CDC40: variants seen among roughly 807,000 people sequenced by gnomAD.
CDC40 encodes cell division cycle 40, also known as pre-mRNA-processing factor 17.
A neutral mutation model predicts 80.6 loss-of-function variants in CDC40; 27 were observed. The observed-to-expected ratio is 0.33, with a 90% CI of 0.25 to 0.46. The LOEUF is 0.46. CDC40 is among the 20% of genes least tolerant of loss of function. The pLI is 1.00. For synonymous variants in CDC40, 221 were observed against 232.6 expected (o/e 0.95, Z 0.45); for missense variants, 486 against 694.1 (o/e 0.70, Z 3.37).
At chr6:110,227,414 G>C (rs1445596625) in intron 13 of CDC40, among the ~76,000 whole-genome samples, 4 of 152,156 alleles carry the variant, frequency 2.6e-5, no homozygotes, top group African/African-American at 9.7e-5. Context: ...TTTATGAGAA[G>C]AGAAACCTAA....
chr6:110,199,376 C>T (rs372460552), intron 2 of CDC40, among the ~76,000 whole-genome samples: 6 of 151,214 alleles, frequency 4.0e-5, no homozygotes, highest in South Asian at 2.1e-4. Context: ...CGGGCGGATA[C>T]GAGGTCAGGA....
intron 2 of CDC40, among the ~76,000 whole-genome samples, chr6:110,197,644 G>T (rs1777435928): frequency 1.7e-5 from 2 of 115,414 alleles, no homozygotes; most frequent in Admixed American, 2.8e-4. Flanking sequence ...CTGCTTCTAT[G>T]AGGTCAACTT....
chr6:110,187,398 A>C (rs1777287860), intron 1 of CDC40, among the ~76,000 whole-genome samples: 1 of 152,212 alleles, frequency 6.6e-6, no homozygotes, highest in African/African-American at 2.4e-5. Flanking sequence ...TAAAATAAAA[A>C]TTCTGCCTCT....
intron 12 of CDC40, among the ~76,000 whole-genome samples, chr6:110,223,683 G>A (rs1434000632): frequency 6.6e-6 from 1 of 152,132 alleles, no homozygotes; most frequent in Non-Finnish European, 1.5e-5. Context: ...TACCTGCTTA[G>A]AGTACCATAA....
chr6:110,195,566 T>A (rs143343539), intron 2 of CDC40, among the ~76,000 whole-genome samples: 1 of 152,358 alleles, frequency 6.6e-6, no homozygotes, highest in African/African-American at 2.4e-5. Flanking sequence ...AGATAATTTT[T>A]ATCTTATTGA....
chr6:110,195,686 A>G (rs1167665138), intron 2 of CDC40, among the ~76,000 whole-genome samples: 1 of 152,158 alleles, frequency 6.6e-6, no homozygotes, highest in East Asian at 1.9e-4. Context: ...AATTATTGGC[A>G]TTGGTGGCTA....
intron 3 of CDC40, among the ~76,000 whole-genome samples, chr6:110,205,465 A>G (rs959210905): frequency 6.6e-6 from 1 of 152,242 alleles, no homozygotes; most frequent in Admixed American, 6.5e-5. Context: ...TTATTTGTAA[A>G]AGGAAAATAA....
At chr6:110,188,167 C>T (rs528700537) in intron 1 of CDC40, among the ~76,000 whole-genome samples, 2 of 152,258 alleles carry the variant, frequency 1.3e-5, no homozygotes, top group South Asian at 4.2e-4. Context: ...AAAATAATTT[C>T]AATTTGGAAT....
chr6:110,195,496 G>A (rs1039535250), intron 2 of CDC40, among the ~76,000 whole-genome samples: 6 of 151,988 alleles, frequency 3.9e-5, no homozygotes, highest in South Asian at 2.1e-4. Flanking sequence ...GGAGTTAAGC[G>A]GAATACTTAT....
rs1476194581 is a variant in CDC40 at position 110,230,932 on chromosome 6, C to T, written c.*801C>T. On this transcript the variant is annotated 3_prime_UTR_variant, in exon 15 of 15. Transcript: ENST00000307731. The stretch of plus-strand genomic sequence containing the variant: ...CAGGATCTCCTAGGTCATTGCTTCG[C>T]AGCTGTGATTACTGAAATCCTCCTC... 6.6e-6 allele frequency: 1 copy of T among 152,238 alleles called. No individual in the cohort carries two copies. Among genetic ancestry groups the T allele is most frequent in the Non-Finnish European group, 1.5e-5 (1 of 68,050 alleles). The allele number at this position is 152,238 out of a possible 1,614,324, so 9.4% of individuals were successfully genotyped here. A position where few individuals can be genotyped will look rare whatever the true frequency, so the allele number is the denominator to read the frequency against.
At chr6:110,184,776 G>C (rs938609764) in intron 1 of CDC40, among the ~76,000 whole-genome samples, 5 of 152,024 alleles carry the variant, frequency 3.3e-5, no homozygotes, top group Non-Finnish European at 5.9e-5. Flanking sequence ...AGCATTACTG[G>C]AGACAAAAGA....
At chr6:110,217,906 T>C in intron 10 of CDC40, 103 bp downstream of exon 10, 1 of 612,528 alleles carries the variant, frequency 1.6e-6, no homozygotes, top group South Asian at 1.8e-5. Flanking sequence ...CTCTAACTGC[T>C]GATTCTCATA....
In CDC40 at chr6:110,193,248, G is replaced by A. The variant is rs1229481722; in HGVS notation, c.256G>A (p.Glu86Lys). Residue 86 changes from glutamate (E) to lysine (K), a missense_variant, in exon 2 of 15, where the codon GAG becomes AAG. Around this residue, in one of 3 missense-constraint regions of CDC40, gnomAD observed 381 missense variants for 492.1 expected, o/e 0.77. Coordinates refer to ENST00000307731, the MANE Select transcript of CDC40 (RefSeq NM_015891.3). ...VKEVQYNPTYETMFAPEFGPE... is the reference protein window; with the variant it reads ...VKEVQYNPTYKTMFAPEFGPE... ...AGAAGTTCAGTATAATCCTACCTAT[G>A]AGACCATGTTTGCTCCTGAGGTAAG... The A allele has an allele frequency of 1.2e-6, 2 of 1,604,014 alleles. No individual in the cohort carries two copies.
In CDC40 at chr6:110,193,212, C is replaced by T. The variant is rs1399686240; in HGVS notation, c.220C>T (p.Pro74Ser). Residue 74 changes from proline to serine, a missense_variant, in exon 2 of 15, where the codon CCT becomes TCT. By Grantham distance (74) the Pro-to-Ser change is moderately conservative (BLOSUM62 -1). Transcript: ENST00000307731. The stretch of plus-strand genomic sequence containing the variant: ...TTTGGAGACTGGAGTTCACCTTGAC[C>T]CTGCCGTCAAAGAAGTTCAGTATAA... ...EDLETGVHLD[P>S]AVKEVQYNPT... 1.9e-6 allele frequency: 3 copies of T among 1,607,496 alleles called. No individual in the cohort carries two copies. The highest frequency in any genetic ancestry group is 1.7e-6 in the Non-Finnish European group (2 of 1,174,594).
At chr6:110,194,060 T>A (rs1424876130) in intron 2 of CDC40, among the ~76,000 whole-genome samples, 2 of 152,166 alleles carry the variant, frequency 1.3e-5, no homozygotes, top group African/African-American at 4.8e-5. Context: ...AGTACTGGAT[T>A]TTTTTTTCTG....
chr6:110,205,061 G>A (rs368074875), intron 3 of CDC40, among the ~76,000 whole-genome samples: 3 of 151,906 alleles, frequency 2.0e-5, no homozygotes, highest in Admixed American at 1.3e-4. Context: ...TGATTTTTCC[G>A]GACTACTAGT....
intron 1 of CDC40, among the ~76,000 whole-genome samples, chr6:110,190,147 A>C (rs1777326323): frequency 6.6e-6 from 1 of 152,246 alleles, no homozygotes; most frequent in South Asian, 2.1e-4. Flanking sequence ...TATCAAATAG[A>C]GTACAGCATT....
rs1432448053 is a variant in CDC40 at position 110,193,468 on chromosome 6, A to G, written c.276+200A>G. ...CGCCCAGGCTGGAGTGCAGTGGCGC[A>G]ATCTCGGCTCACTGCAAGCTCCGCC... On this transcript the variant is annotated intron_variant, in intron 2 of 14. Coordinates refer to ENST00000307731, the MANE Select transcript of CDC40 (RefSeq NM_015891.3). Among the ~76,000 whole-genome samples the G allele has an allele frequency of 2.0e-5, 3 of 151,540 alleles. No homozygotes were observed. The East Asian group carries it at 5.8e-4, about 29-fold the overall frequency.
At chr6:110,215,929 G>A (rs1777694523) in intron 9 of CDC40, among the ~76,000 whole-genome samples, 1 of 152,226 alleles carries the variant, frequency 6.6e-6, no homozygotes, top group Admixed American at 6.5e-5. Context: ...GTAACGGCAT[G>A]TGAATGATCA....
Sources: gnomAD v4.1 joint callset for allele counts (sites outside exome capture counted in the v4.1 genomes callset) on GRCh38, gnomAD v4.1.1 for gene constraint, gnomAD v4.1.1 regional missense constraint, MANE v1.5 for transcripts, NCBI Gene and HGNC (gene_info 2026-07-23, HGNC 2026-07-21) for gene names.